Variants in DNAH6 observed in about 807,000 individuals in gnomAD.
The protein encoded by DNAH6 is axonemal beta dynein heavy chain 6.
Under a neutral mutation model 491.4 loss-of-function variants are expected in DNAH6, and 340 were observed. That is an observed-to-expected ratio of 0.69 (90% CI 0.63 to 0.76). The LOEUF (loss-of-function observed/expected upper bound fraction) is 0.76, where lower values mean the gene tolerates loss of function less well. Among genes scored for constraint, DNAH6 ranks in the 30% least tolerant of loss-of-function variants. The pLI, the probability that DNAH6 is intolerant of heterozygous loss-of-function variation, is 0.00. For synonymous variants in DNAH6, 1,603 were observed against 1,686.1 expected, an observed-to-expected ratio of 0.95 and a Z score of 1.21; for missense variants, 4,443 against 4,972.2, an observed-to-expected ratio of 0.89 and a Z score of 3.20.
chr2:84,609,643 T>G (rs1041381072), intron 21 of DNAH6, among the ~76,000 whole-genome samples: 1 of 151,688 alleles, frequency 6.6e-6, no homozygotes, highest in Non-Finnish European at 1.5e-5. Flanking sequence ...ACATCAAAGA[T>G]CACTGATCAC....
chr2:84,506,412 G>A, the DNAH6 span, among the ~76,000 whole-genome samples: 1 of 152,122 alleles, frequency 6.6e-6, no homozygotes. Flanking sequence ...TTTTGATGGG[G>A]TTGTTTGTTT....
In DNAH6 at chr2:84,683,367, G is replaced by A. The variant is rs569326922; in HGVS notation, c.6916+1839G>A. On this transcript the variant is annotated intron_variant, in intron 42 of 76. Coordinates refer to ENST00000389394, the MANE Select transcript of DNAH6 (RefSeq NM_001370.2). ...TCTTAGTTGCTCCATAATCTGCTTC[G>A]TTCCCTGACTCCCCATCCAGTGCCC... 1.3e-4 allele frequency among the ~76,000 whole-genome samples: 19 copies of A among 147,406 alleles called. No homozygotes were observed. In the South Asian group the frequency reaches 2.1e-3, roughly 17 times the overall value.
chr2:84,462,048 A>T, the DNAH6 span, among the ~76,000 whole-genome samples: 1 of 152,232 alleles, frequency 6.6e-6, no homozygotes, highest in Non-Finnish European at 1.5e-5. Flanking sequence ...CCTGAGGCAA[A>T]CCTACCTCCC....
chr2:84,684,076 C>G (rs1694057479), intron 42 of DNAH6, among the ~76,000 whole-genome samples: 1 of 152,192 alleles, frequency 6.6e-6, no homozygotes, highest in Non-Finnish European at 1.5e-5. Context: ...CCTTCCAGAG[C>G]CTGAAGGACT....
the DNAH6 span, among the ~76,000 whole-genome samples, chr2:84,484,094 G>A: frequency 6.6e-6 from 1 of 152,104 alleles, no homozygotes; most frequent in Admixed American, 6.5e-5. Context: ...TAAAAGATTT[G>A]TCTTGCTAAG....
At chr2:84,682,795 A>C (rs1011976918) in intron 42 of DNAH6, among the ~76,000 whole-genome samples, 3 of 151,878 alleles carry the variant, frequency 2.0e-5, no homozygotes, top group African/African-American at 7.3e-5. Context: ...CCTCCTCTCT[A>C]ATCTCCTGCT....
chr2:84,722,728 C>G lies in DNAH6; in HGVS notation c.9896C>G (p.Ser3299Cys), dbSNP rs1698276771. 1.9e-6 allele frequency: 3 copies of G among 1,545,278 alleles called. No individual in the cohort carries two copies. Among genetic ancestry groups the G allele is most frequent in the East Asian group, 2.4e-5 (1 of 40,836 alleles). Residue 3299 changes from serine (S) to cysteine (C), a missense_variant, in exon 60 of 77, where the codon TCT (serine) becomes TGT (cysteine). Ser to Cys is a moderately radical substitution (Grantham distance 112). This residue lies in a region of DNAH6 where 1,463 missense variants were observed against 1,656.6 expected (regional missense o/e 0.88). Coordinates refer to ENST00000389394, the MANE Select transcript of DNAH6 (RefSeq NM_001370.2). ...EKYRPVATQG[S>C]VMYFVIASLS... ...TATCGTCCAGTGGCCACTCAAGGCT[C>G]TGTAATGTACTTTGTCATTGCAAGC...
chr2:84,567,941 A>G (rs558178015), intron 11 of DNAH6, among the ~76,000 whole-genome samples: 1 of 152,234 alleles, frequency 6.6e-6, no homozygotes, highest in South Asian at 2.1e-4. Context: ...TTTATGTGGC[A>G]TATGTATATT....
At chr2:84,508,483 G>A in the DNAH6 span, among the ~76,000 whole-genome samples, 282 of 151,966 alleles carry the variant, frequency 1.9e-3, no homozygotes, top group African/African-American at 6.5e-3. Context: ...TCTTGCTAGC[G>A]GCCTATGAAT....
At chr2:84,714,638 A>G (rs1444466997) in intron 57 of DNAH6, among the ~76,000 whole-genome samples, 1 of 151,998 alleles carries the variant, frequency 6.6e-6, no homozygotes, top group Non-Finnish European at 1.5e-5. Context: ...AGACATGATA[A>G]ATGCTTGAGG....
rs372752091 is a variant in DNAH6, at chr2:84,814,128, G to A, written c.12150+6G>A. ...AACTGCCCATGGACATGGAGGTATT[G>A]TCCACCTGGCTGTTATGGCAAAGCA... On this transcript the variant is annotated splice_donor_region_variant and intron_variant, in intron 75 of 76. Coordinates refer to ENST00000389394, the MANE Select transcript of DNAH6 (RefSeq NM_001370.2). 2 of 1,550,672 alleles carry A rather than the reference G, an allele frequency of 1.3e-6. No individual in the cohort carries two copies. Among genetic ancestry groups the A allele is most frequent in the Non-Finnish European group, 8.7e-7 (1 of 1,146,348 alleles).
At chr2:84,799,208 G>A (rs1338533295) in intron 70 of DNAH6, among the ~76,000 whole-genome samples, 6 of 152,088 alleles carry the variant, frequency 3.9e-5, no homozygotes, top group Non-Finnish European at 8.8e-5. Context: ...GGCTGGTCTC[G>A]AATTCCTGAC....
At chr2:84,781,391 T>A in intron 64 of DNAH6, 102 bp from the exon 65 acceptor site, 1 of 977,218 alleles carries the variant, frequency 1.0e-6, no homozygotes, top group East Asian at 2.7e-5. Flanking sequence ...ATTCAAAATG[T>A]TTATATATCC....
chr2:84,784,853 T>G (rs1219168165), intron 66 of DNAH6, 43 bp downstream of exon 66: 1 of 1,366,170 alleles, frequency 7.3e-7, no homozygotes, highest in African/African-American at 1.4e-5. Flanking sequence ...ATGGTTGGTT[T>G]CAGAATATTC....
chr2:84,797,782 TCACCTTGACTTCAAC>T, intron 70 of DNAH6, 124 bp downstream of exon 70: 1 of 897,020 alleles, frequency 1.1e-6, no homozygotes, highest in Non-Finnish European at 1.7e-6. Context: ...AATAATTGTT[TCACCTTGACTTCAAC>T]ATTTGGTTCC....
At chr2:84,744,247 T>A (rs1211261032) in intron 62 of DNAH6, among the ~76,000 whole-genome samples, 3 of 152,216 alleles carry the variant, frequency 2.0e-5, no homozygotes, top group Non-Finnish European at 4.4e-5. Flanking sequence ...AGCCAACAAT[T>A]GTGCCTAACG....
chr2:84,621,168 T>A, intron 24 of DNAH6, 23 bp from the exon 25 acceptor site: 1 of 1,550,540 alleles, frequency 6.4e-7, no homozygotes, highest in Non-Finnish European at 8.7e-7. Flanking sequence ...AGCCACTTTA[T>A]CAATGCTCTG....
chr2:84,738,021 A>T (rs1331121388), intron 62 of DNAH6, among the ~76,000 whole-genome samples: 1 of 152,036 alleles, frequency 6.6e-6, no homozygotes, highest in Non-Finnish European at 1.5e-5. Flanking sequence ...GCTTTGCTGC[A>T]TCCCAGAGGT....
intron 23 of DNAH6, 132 bp from the exon 24 acceptor site, chr2:84,619,553 A>G: frequency 1.3e-6 from 1 of 761,308 alleles, no homozygotes; most frequent in Non-Finnish European, 2.1e-6. Flanking sequence ...CCAGAAACCC[A>G]TGACCAGTAT....
Sources: gnomAD v4.1 joint callset for allele counts (sites outside exome capture counted in the v4.1 genomes callset) on GRCh38, gnomAD v4.1.1 for gene constraint, gnomAD v4.1.1 regional missense constraint, MANE v1.5 for transcripts, NCBI Gene and HGNC (gene_info 2026-07-23, HGNC 2026-07-21) for gene names.